EPHA4: variants seen among roughly 807,000 people sequenced by gnomAD.
EPHA4 encodes ephrin type-A receptor 4.
EPHA4 carries 19 observed loss-of-function variants against 108.3 expected under a neutral mutation model. That is an observed-to-expected ratio of 0.18 (90% CI 0.12 to 0.26). EPHA4 has a LOEUF of 0.26. Among genes scored for constraint, EPHA4 ranks in the 10% least tolerant of loss-of-function variants. EPHA4 has a pLI of 1.00. For missense variants in EPHA4, 917 were observed against 1,254.0 expected (o/e 0.73, Z 4.06); for synonymous variants, 449 against 455.5 (o/e 0.99, Z 0.18).
intron 2 of EPHA4, among the ~76,000 whole-genome samples, chr2:221,565,776 T>C (rs190948265): frequency 0.011 from 1,716 of 152,270 alleles, 12 homozygotes; most frequent in Non-Finnish European, 0.017. Flanking sequence ...TCACCAGTAA[T>C]TTACTTATTT....
chr2:221,542,647 C>G (rs1337013347), intron 3 of EPHA4, among the ~76,000 whole-genome samples: 1 of 152,118 alleles, frequency 6.6e-6, no homozygotes, highest in Non-Finnish European at 1.5e-5. Context: ...TTAACAATGC[C>G]TTTTTGAAAG....
At chr2:221,480,050 C>T (rs962753588) in intron 5 of EPHA4, among the ~76,000 whole-genome samples, 1 of 148,416 alleles carries the variant, frequency 6.7e-6, no homozygotes, top group Non-Finnish European at 1.5e-5. Context: ...TCATCCCACC[C>T]CACCCCACCC....
chr2:221,481,036 A>C (rs1157710746), intron 5 of EPHA4, among the ~76,000 whole-genome samples: 2 of 152,174 alleles, frequency 1.3e-5, no homozygotes, highest in African/African-American at 4.8e-5. Flanking sequence ...CTCACAAAGA[A>C]TAAGCCACTC....
intron 11 of EPHA4, among the ~76,000 whole-genome samples, chr2:221,441,197 C>CTTTT (rs201795751): frequency 1.5e-5 from 2 of 132,098 alleles, no homozygotes; most frequent in Non-Finnish European, 1.6e-5. Context: ...CTTTTCTTTT[C>CTTTT]TTTTTTTTTT....
At chr2:221,523,039 AG>A (rs1290414438) in intron 3 of EPHA4, among the ~76,000 whole-genome samples, 1 of 152,146 alleles carries the variant, frequency 6.6e-6, no homozygotes, top group African/African-American at 2.4e-5. Context: ...CTGGGATTAC[AG>A]GTGTGAGCCA....
intron 4 of EPHA4, among the ~76,000 whole-genome samples, chr2:221,491,588 C>T (rs1442743935): frequency 6.6e-6 from 1 of 152,162 alleles, no homozygotes; most frequent in African/African-American, 2.4e-5. Context: ...AAGTTTCCAA[C>T]TTTCTCAGTT....
Position 221,548,751 on chromosome 2 carries a change from G to GA in EPHA4, c.823+14979dup, listed in dbSNP as rs367790463. On this transcript the variant is annotated intron_variant, in intron 3 of 17. Coordinates refer to ENST00000281821, the MANE Select transcript of EPHA4 (RefSeq NM_004438.5). Reference sequence around the variant, plus strand: ...ATCTTTTCTATGTTACAAGATCTTAGACCTAGATTGTCTACCCAAGGATAT... The same window carrying GA: ...ATCTTTTCTATGTTACAAGATCTTAGAACCTAGATTGTCTACCCAAGGATAT... Among the ~76,000 whole-genome samples the GA allele has an allele frequency of 1.6e-3, 247 of 152,196 alleles. 2 individuals carry two copies. The highest frequency in any genetic ancestry group is 5.7e-3 in the African/African-American group (237 of 41,518).
intron 3 of EPHA4, among the ~76,000 whole-genome samples, chr2:221,563,240 C>T (rs1344999651): frequency 6.6e-6 from 1 of 152,126 alleles, no homozygotes; most frequent in Admixed American, 6.5e-5. Flanking sequence ...AAAAAATGGA[C>T]TTTCTTCACT....
intron 3 of EPHA4, among the ~76,000 whole-genome samples, chr2:221,515,240 C>T: frequency 6.6e-6 from 1 of 152,078 alleles, no homozygotes; most frequent in Non-Finnish European, 1.5e-5. Flanking sequence ...GGACTACAGG[C>T]ATGCGCCACC....
At chr2:221,489,682 C>A (rs1467522087) in intron 4 of EPHA4, among the ~76,000 whole-genome samples, 1 of 152,128 alleles carries the variant, frequency 6.6e-6, no homozygotes, top group African/African-American at 2.4e-5. Context: ...AGAACATAAG[C>A]TCCAGGAGAA....
At chr2:221,549,595 G>C (rs572260430) in intron 3 of EPHA4, among the ~76,000 whole-genome samples, 2 of 152,182 alleles carry the variant, frequency 1.3e-5, no homozygotes, top group African/African-American at 4.8e-5. Context: ...TGGCAGCCAG[G>C]GCTCCTGATT....
chr2:221,503,402 T>C (rs1341221480), intron 3 of EPHA4, among the ~76,000 whole-genome samples: 1 of 152,048 alleles, frequency 6.6e-6, no homozygotes, highest in Middle Eastern at 3.2e-3. Flanking sequence ...ATAAGACTAC[T>C]TCCAGCTAAA....
rs760702617 is a variant in EPHA4 at position 221,563,885 on chromosome 2, C to T, written c.669G>A (p.Thr223=). 14 of 1,614,092 alleles carry T rather than the reference C, an allele frequency of 8.7e-6. No homozygotes were observed. Among genetic ancestry groups the T allele is most frequent in the Admixed American group, 3.3e-5 (2 of 60,010 alleles). ...AGCCTCGAACTTCCACCAGGGAAGA[C>T]GTATCAGCCCCTGTGATGGTGTCAG... ...QFPDTITGAD[T]SSLVEVRGSC... Residue 223 remains threonine, a synonymous_variant, in exon 3 of 18, where the codon ACG becomes ACA. Transcript: ENST00000281821.
intron 2 of EPHA4, 130 bp from the exon 3 acceptor site, chr2:221,564,524 T>A: frequency 1.2e-6 from 1 of 862,912 alleles, no homozygotes; most frequent in Non-Finnish European, 1.8e-6. Flanking sequence ...TGAGCACCAA[T>A]CATCACTAAT....
chr2:221,440,542 G>T (rs1183884287), intron 11 of EPHA4, among the ~76,000 whole-genome samples: 1 of 151,366 alleles, frequency 6.6e-6, no homozygotes, highest in Non-Finnish European at 1.5e-5. Context: ...AGCAAATAGA[G>T]CTATTCTATG....
intron 5 of EPHA4, among the ~76,000 whole-genome samples, chr2:221,462,358 G>A (rs936597652): frequency 6.6e-6 from 1 of 151,586 alleles, no homozygotes; most frequent in African/African-American, 2.4e-5. Context: ...GGTCTAAGGT[G>A]CCTATCCCCG....
At chr2:221,513,940 G>A (rs766132686) in intron 3 of EPHA4, among the ~76,000 whole-genome samples, 2 of 152,102 alleles carry the variant, frequency 1.3e-5, no homozygotes, top group Non-Finnish European at 2.9e-5. Flanking sequence ...TCTGTTTTTG[G>A]TACAGTACAG....
At chr2:221,475,778 G>GT (rs1390862379) in intron 5 of EPHA4, among the ~76,000 whole-genome samples, 5 of 152,104 alleles carry the variant, frequency 3.3e-5, no homozygotes, top group African/African-American at 1.2e-4. Flanking sequence ...ATATTATTCT[G>GT]TTTTTTATTA....
At position 221,451,583 on chromosome 2, in the gene EPHA4, C is replaced by T. The variant is rs191622140; in HGVS notation, c.1715+3964G>A. 2.5e-3 allele frequency among the ~76,000 whole-genome samples: 373 copies of T among 152,202 alleles called. 2 individuals are homozygous for T. Among genetic ancestry groups the T allele is most frequent in the African/African-American group, 8.4e-3 (347 of 41,504 alleles). On this transcript the variant is annotated intron_variant, in intron 8 of 17. Transcript: ENST00000281821. ...TTTGAAATAAAATTTATAGGGACAG[C>T]ATCATATAGGTACAAGAAGTGTTCT... is the stretch of plus-strand genomic sequence containing the variant.
Sources: gnomAD v4.1 joint callset for allele counts (sites outside exome capture counted in the v4.1 genomes callset) on GRCh38, gnomAD v4.1.1 for gene constraint, MANE v1.5 for transcripts, NCBI Gene and HGNC (gene_info 2026-07-23, HGNC 2026-07-21) for gene names.